ZFHX3: variants seen among roughly 807,000 people sequenced by gnomAD.
The protein encoded by ZFHX3 is zinc finger homeobox 3, also known as zinc finger homeobox protein 3.
ZFHX3 carries 42 observed loss-of-function variants against 279.1 expected under a neutral mutation model. The observed-to-expected ratio is 0.15, with a 90% CI of 0.12 to 0.19. The LOEUF (loss-of-function observed/expected upper bound fraction) is 0.19, where lower values mean the gene tolerates loss of function less well. ZFHX3 is among the 10% of genes least tolerant of loss of function. ZFHX3 has a pLI of 1.00. For synonymous variants in ZFHX3, 2,293 were observed against 1,957.8 expected (o/e 1.17, Z -4.52); for missense variants, 4,981 against 4,754.0 (o/e 1.05, Z -1.40).
At chr16:73,617,611 T>G (rs1426230485) in intron 2 of ZFHX3, among the ~76,000 whole-genome samples, 2 of 152,156 alleles carry the variant, frequency 1.3e-5, no homozygotes, top group Non-Finnish European at 2.9e-5. Context: ...TTATTAAAAT[T>G]TATGGAAAAA....
chr16:73,232,509 G>A (rs1485610830), intron 5 of ZFHX3: 3 of 152,246 alleles, frequency 2.0e-5, no homozygotes, highest in Admixed American at 6.5e-5. Flanking sequence ...ACGGGTGGAA[G>A]AGAAAGAGGG....
At chr16:73,348,742 A>C (rs373861299) in intron 3 of ZFHX3, among the ~76,000 whole-genome samples, 11 of 152,328 alleles carry the variant, frequency 7.2e-5, no homozygotes, top group Middle Eastern at 3.4e-3. Context: ...TGTGGGACCC[A>C]CATTCCCGGT....
At chr16:73,114,117 G>T (rs1966407540) in intron 7 of ZFHX3, among the ~76,000 whole-genome samples, 1 of 151,528 alleles carries the variant, frequency 6.6e-6, no homozygotes, top group Non-Finnish European at 1.5e-5. Flanking sequence ...AGAGATGGGG[G>T]TCTCACTCTG....
At chr16:73,227,437 C>G (rs2012630385) in intron 5 of ZFHX3, among the ~76,000 whole-genome samples, 1 of 152,150 alleles carries the variant, frequency 6.6e-6, no homozygotes, top group Admixed American at 6.5e-5. Flanking sequence ...AAGGAAACTT[C>G]AATTACCACC....
intron 3 of ZFHX3, among the ~76,000 whole-genome samples, chr16:73,422,992 T>C (rs2143496316): frequency 1.3e-5 from 2 of 152,302 alleles, no homozygotes; most frequent in East Asian, 1.9e-4. Flanking sequence ...GTCTTCTCAT[T>C]GTGTCTTCAA....
intron 1 of ZFHX3, among the ~76,000 whole-genome samples, chr16:72,971,878 A>ATTTTTTTTTTT (rs34508228): frequency 2.1e-5 from 2 of 95,466 alleles, no homozygotes; most frequent in East Asian, 2.6e-4. Context: ...CTGCCTATTA[A>ATTTTTTTTTTT]TTTTTTTTTT....
intron 4 of ZFHX3, among the ~76,000 whole-genome samples, chr16:72,880,888 A>G (rs931808087): frequency 1.3e-5 from 2 of 152,224 alleles, no homozygotes; most frequent in Non-Finnish European, 2.9e-5. Context: ...CAAAACTGCT[A>G]ATGGAATAAG....
intron 5 of ZFHX3, among the ~76,000 whole-genome samples, chr16:73,151,741 T>C (rs1966946207): frequency 6.6e-6 from 1 of 151,800 alleles, no homozygotes; most frequent in Non-Finnish European, 1.5e-5. Flanking sequence ...CCCATGAAAA[T>C]ATTCCAATCT....
intron 5 of ZFHX3, among the ~76,000 whole-genome samples, chr16:72,826,345 C>G (rs1299929259): frequency 6.6e-6 from 1 of 152,134 alleles, no homozygotes; most frequent in Middle Eastern, 3.2e-3. Flanking sequence ...CCAGGCCCAT[C>G]TGAAATATTA....
intron 3 of ZFHX3, among the ~76,000 whole-genome samples, chr16:73,341,244 G>A (rs975912002): frequency 1.3e-5 from 2 of 152,134 alleles, no homozygotes; most frequent in African/African-American, 4.8e-5. Context: ...AGGAGGCTGA[G>A]GCAGGAGAAT....
chr16:73,325,128 G>A (rs2015655914), intron 3 of ZFHX3, among the ~76,000 whole-genome samples: 1 of 152,204 alleles, frequency 6.6e-6, no homozygotes, highest in South Asian at 2.1e-4. Context: ...AAAGAACACA[G>A]GGGGCCCTGG....
chr16:73,766,921 GT>G (rs1240242326), intron 1 of ZFHX3, among the ~76,000 whole-genome samples: 21 of 149,126 alleles, frequency 1.4e-4, no homozygotes, highest in Non-Finnish European at 2.5e-4. Context: ...GTAATTGTGG[GT>G]TTTGCCATTA....
At chr16:73,282,251 C>A (rs1290787226) in intron 4 of ZFHX3, among the ~76,000 whole-genome samples, 1 of 152,210 alleles carries the variant, frequency 6.6e-6, no homozygotes, top group Non-Finnish European at 1.5e-5. Context: ...GTTATCTGAT[C>A]TTCATCCTGG....
chr16:73,231,023 G>T (rs183330097), intron 5 of ZFHX3, among the ~76,000 whole-genome samples: 1 of 152,274 alleles, frequency 6.6e-6, no homozygotes, highest in African/African-American at 2.4e-5. Flanking sequence ...AGGGTGATGT[G>T]AGCCCAGAGA....
chr16:73,682,963 A>T (rs1262436139), intron 1 of ZFHX3, among the ~76,000 whole-genome samples: 7 of 26,120 alleles, frequency 2.7e-4, no homozygotes, highest in Admixed American at 1.0e-3. Flanking sequence ...AGAAAGAAAG[A>T]AAGAAAGAAA....
Position 73,481,621 on chromosome 16 carries a change from T to TTTG in ZFHX3, c.-1546-25366_-1546-25364dup, listed in dbSNP as rs1567497167. On this transcript the variant is annotated intron_variant, in intron 2 of 17. Coordinates refer to the ZFHX3 transcript ENST00000641206. ...TGGTTAATGTGCGTGGTGTTGTTTT[T>TTTG]TTGTTGTTGTTTGTTTGTTTGTTTG... Among the ~76,000 whole-genome samples, 3 of 148,654 alleles carry TTTG rather than the reference T, an allele frequency of 2.0e-5. No homozygotes were observed. In the East Asian group the frequency reaches 5.9e-4, roughly 29 times the overall value.
chr16:73,722,742 G>A (rs752550050), intron 1 of ZFHX3, among the ~76,000 whole-genome samples: 2 of 152,088 alleles, frequency 1.3e-5, no homozygotes, highest in African/African-American at 4.8e-5. Context: ...CACAAAAAAA[G>A]TTTGCCATAT....
At chr16:73,694,446 C>A (rs1049808673) in intron 1 of ZFHX3, among the ~76,000 whole-genome samples, 3 of 152,088 alleles carry the variant, frequency 2.0e-5, no homozygotes, top group Non-Finnish European at 4.4e-5. Context: ...CGAGCTCAAG[C>A]AATTCTTCTG....
intron 2 of ZFHX3, among the ~76,000 whole-genome samples, chr16:73,655,725 G>A (rs906528971): frequency 2.0e-5 from 3 of 152,132 alleles, no homozygotes; most frequent in Admixed American, 6.5e-5. Flanking sequence ...TATTGAGGAA[G>A]CTGCTGAGTG....
Sources: allele counts gnomAD v4.1 joint callset (sites outside exome capture counted in the v4.1 genomes callset), GRCh38; gene constraint gnomAD v4.1.1; transcripts MANE v1.5; gene names NCBI Gene and HGNC (gene_info 2026-07-23, HGNC 2026-07-21).